Variants in BNIP5 observed in about 807,000 individuals in gnomAD.
BNIP5 encodes protein BNIP5.
Under a neutral mutation model 67.3 loss-of-function variants are expected in BNIP5, and 61 were observed. The observed-to-expected ratio is 0.91, with a 90% CI of 0.74 to 1.12. The LOEUF is 1.12. Ranked by LOEUF, BNIP5 falls within the 50% of genes most tolerant of loss-of-function variation. The pLI is 0.00. For synonymous variants in BNIP5, 317 were observed against 319.0 expected (o/e 0.99, Z 0.07); for missense variants, 826 against 816.3 (o/e 1.01, Z -0.14).
At position 36,324,571 on chromosome 6, in the gene BNIP5, GATATTATATATATATATATATAT is replaced by G. The variant is rs1216473532; in HGVS notation, c.1169-404_1169-382del. On this transcript the variant is annotated intron_variant, in intron 6 of 11. Transcript: ENST00000437635. The stretch of plus-strand genomic sequence containing the variant: ...TCCAGGTCTTTTCAGACCTGACGGT[GATATTATATATATATATATATAT>G]ATATATATATATATATATATATATA... 6.1e-4 allele frequency among the ~76,000 whole-genome samples: 45 copies of G among 74,238 alleles called. 1 individual carries two copies. The highest frequency in any genetic ancestry group is 9.5e-4 in the African/African-American group (16 of 16,900). 48.7% of individuals were successfully genotyped at this position (74,238 alleles called of 152,430 possible).
intron 6 of BNIP5, 132 bp downstream of exon 6, chr6:36,325,151 C>A: frequency 9.9e-7 from 1 of 1,008,136 alleles, no homozygotes; most frequent in South Asian, 1.5e-5. Context: ...AAGCTGCCTC[C>A]CCAGCCTGCT....
intron 9 of BNIP5, 25 bp from the exon 10 acceptor site, chr6:36,321,244 G>A (rs375901176): frequency 1.3e-6 from 2 of 1,563,794 alleles, no homozygotes; most frequent in Non-Finnish European, 1.7e-6. Context: ...GGAGGATTGA[G>A]TGACTGTTGA....
intron 1 of BNIP5, among the ~76,000 whole-genome samples, chr6:36,331,384 G>T (rs911796924): frequency 2.6e-5 from 4 of 152,140 alleles, no homozygotes; most frequent in Non-Finnish European, 5.9e-5. Flanking sequence ...CTCCAGAACT[G>T]CATGATAATT....
At chr6:36,326,406 C>A in intron 5 of BNIP5, 104 bp downstream of exon 5, 1 of 1,431,788 alleles carries the variant, frequency 7.0e-7, no homozygotes, top group African/African-American at 1.4e-5. Context: ...AAAAGTCAGA[C>A]CAGGCACAAC....
chr6:36,316,099 C>G lies in BNIP5; in HGVS notation c.*1257G>C, dbSNP rs893482693. The G allele has an allele frequency of 5.0e-5, 8 of 160,996 alleles. No individual in the cohort carries two copies. Among genetic ancestry groups the G allele is most frequent in the Admixed American group, 1.3e-4 (2 of 15,510 alleles). The allele number at this position is 160,996 out of a possible 1,614,324, so 10.0% of individuals were successfully genotyped here. On this transcript the variant is annotated 3_prime_UTR_variant, in exon 12 of 12. Transcript: ENST00000437635. Reference sequence around the variant, plus strand: ...TTGGAGGCCAGTCCCATATAAGCACCCAGGGCCTCTCCGCTCTAGACTGCT... The same window carrying G: ...TTGGAGGCCAGTCCCATATAAGCACGCAGGGCCTCTCCGCTCTAGACTGCT...
intron 2 of BNIP5, 83 bp downstream of exon 2, chr6:36,329,998 T>C (rs1771850822): frequency 6.9e-7 from 1 of 1,457,354 alleles, no homozygotes; most frequent in African/African-American, 1.4e-5. Context: ...CCCCCGACTA[T>C]CCCTGTCCCT....
At chr6:36,326,056 GA>G (rs1220789552) in intron 5 of BNIP5, among the ~76,000 whole-genome samples, 1 of 152,190 alleles carries the variant, frequency 6.6e-6, no homozygotes, top group Non-Finnish European at 1.5e-5. Context: ...TGGCTGTGAG[GA>G]CTGATCGTGT....
intron 1 of BNIP5, among the ~76,000 whole-genome samples, chr6:36,334,921 G>T (rs977921890): frequency 6.6e-6 from 1 of 152,190 alleles, no homozygotes; most frequent in Non-Finnish European, 1.5e-5. Flanking sequence ...AGTGAGCAGC[G>T]TGGTCTCACT....
rs946418248 is a variant in BNIP5, at chr6:36,316,430, T to A, written c.*926A>T. 5.0e-6 allele frequency: 2 copies of A among 398,248 alleles called. No individual in the cohort carries two copies. The highest frequency in any genetic ancestry group is 4.1e-5 in the African/African-American group (2 of 48,758). 24.7% of individuals were successfully genotyped at this position (398,248 alleles called of 1,614,324 possible). Reference sequence around the variant, plus strand: ...GTGCAAATACAAAAAATAGCCCTTTTCTCAAGACATGTTACTGCTACCAGC... The same window carrying A: ...GTGCAAATACAAAAAATAGCCCTTTACTCAAGACATGTTACTGCTACCAGC... On this transcript the variant is annotated 3_prime_UTR_variant, in exon 12 of 12. Coordinates refer to ENST00000437635, the MANE Select transcript of BNIP5 (RefSeq NM_001010903.5).
At chr6:36,319,265 G>A in intron 11 of BNIP5, 91 bp downstream of exon 11, 1 of 1,490,378 alleles carries the variant, frequency 6.7e-7, no homozygotes, top group Non-Finnish European at 9.2e-7. Context: ...CAGGGGAGGG[G>A]AGAGGAGGAT....
In BNIP5 at chr6:36,316,509, T is replaced by C; in HGVS notation, c.*847A>G. On this transcript the variant is annotated 3_prime_UTR_variant, in exon 12 of 12. Transcript: ENST00000437635. ...TCCACAATGTCTAGGACATGAATAG[T>C]ACCTCCTGGAGTATGGTGCTCTTGA... 2.5e-6 allele frequency: 1 copy of C among 398,656 alleles called. No individual in the cohort carries two copies. Among genetic ancestry groups the C allele is most frequent in the Non-Finnish European group, 4.4e-6 (1 of 226,084 alleles). 24.7% of individuals were successfully genotyped at this position (398,656 alleles called of 1,614,324 possible). A position where few individuals can be genotyped will look rare whatever the true frequency, so the allele number is the denominator to read the frequency against.
intron 3 of BNIP5, among the ~76,000 whole-genome samples, chr6:36,327,357 G>A (rs1278342615): frequency 6.6e-6 from 1 of 152,212 alleles, no homozygotes; most frequent in Non-Finnish European, 1.5e-5. Flanking sequence ...TCCTTTGAAA[G>A]TCACAGATCT....
intron 8 of BNIP5, 27 bp from the exon 9 acceptor site, chr6:36,322,469 G>A (rs765674496): frequency 1.1e-5 from 17 of 1,603,368 alleles, no homozygotes; most frequent in Non-Finnish European, 1.3e-5. Context: ...GTTGTTGAGT[G>A]TTTTGCAGAG....
rs143546180 is a variant in BNIP5, at chr6:36,317,064, G to A, written c.*292C>T. 622 of 529,548 alleles carry A rather than the reference G, an allele frequency of 1.2e-3. No individual in the cohort carries two copies. The highest frequency in any genetic ancestry group is 9.8e-3 in the African/African-American group (508 of 51,988). 32.8% of individuals were successfully genotyped at this position (529,548 alleles called of 1,614,324 possible). A position where few individuals can be genotyped will look rare whatever the true frequency, so the allele number is the denominator to read the frequency against. On this transcript the variant is annotated 3_prime_UTR_variant, in exon 12 of 12. Coordinates refer to ENST00000437635, the MANE Select transcript of BNIP5 (RefSeq NM_001010903.5). Reference sequence around the variant, plus strand: ...AAAGTCTGGAGAGGAGGGGGAATGTGTAGAGGGTCATGCAGCAAGTCTGGG... The same window carrying A: ...AAAGTCTGGAGAGGAGGGGGAATGTATAGAGGGTCATGCAGCAAGTCTGGG...
At chr6:36,325,922 T>C (rs1181785884) in intron 5 of BNIP5, among the ~76,000 whole-genome samples, 1 of 152,242 alleles carries the variant, frequency 6.6e-6, no homozygotes. Flanking sequence ...CCATCATCCA[T>C]GGGCCATGTG....
At chr6:36,331,747 C>A (rs1396288837) in intron 1 of BNIP5, among the ~76,000 whole-genome samples, 2 of 152,100 alleles carry the variant, frequency 1.3e-5, no homozygotes, top group Non-Finnish European at 2.9e-5. Flanking sequence ...GCAGGCTGGT[C>A]TCAAACTCCT....
Position 36,330,566 on chromosome 6 carries a change from G to C in BNIP5, c.125C>G (p.Ala42Gly), listed in dbSNP as rs760050627. 2 of 1,613,688 alleles carry C rather than the reference G, an allele frequency of 1.2e-6. No homozygotes were observed. The highest frequency in any genetic ancestry group is 1.7e-5 in the Admixed American group (1 of 60,034). The change falls in exon 2 of 12, where the codon GCC becomes GGC. Residue 42 changes from alanine to glycine, a missense_variant. By Grantham distance (60) the Ala-to-Gly change is moderately conservative. Transcript: ENST00000437635. ...WDCHWLSLPT[A>G]PSRKALHWTT... Reference sequence around the variant, plus strand: ...CCAGTGAAGCGCCTTCCTGGAGGGGGCAGTGGGCAGGGAGAGCCAATGGCA... The same window carrying C: ...CCAGTGAAGCGCCTTCCTGGAGGGGCCAGTGGGCAGGGAGAGCCAATGGCA...
At position 36,315,905 on chromosome 6, in the gene BNIP5, T is replaced by C. The variant is rs1305270792; in HGVS notation, c.*1451A>G. 6.5e-6 allele frequency: 1 copy of C among 152,708 alleles called. No homozygotes were observed. The highest frequency in any genetic ancestry group is 1.5e-5 in the Non-Finnish European group (1 of 68,070). 9.5% of individuals were successfully genotyped at this position (152,708 alleles called of 1,614,324 possible). ...ACTATGTACAAAAGGTTCCTGACCT[T>C]CATTTCATAACTTATTCTGATCCTT... On this transcript the variant is annotated 3_prime_UTR_variant, in exon 12 of 12. Transcript: ENST00000437635.
At chr6:36,331,297 G>A (rs572437502) in intron 1 of BNIP5, among the ~76,000 whole-genome samples, 9 of 152,290 alleles carry the variant, frequency 5.9e-5, no homozygotes, top group East Asian at 1.9e-4. Context: ...CTGGTCAGCC[G>A]CACCTCCAGA....
Sources: gnomAD v4.1 joint callset for allele counts (sites outside exome capture counted in the v4.1 genomes callset) on GRCh38, gnomAD v4.1.1 for gene constraint, MANE v1.5 for transcripts, NCBI Gene and HGNC (gene_info 2026-07-23, HGNC 2026-07-21) for gene names.